SLC23A2: variants seen among roughly 807,000 people sequenced by gnomAD.
SLC23A2 encodes the protein Na(+)/L-ascorbic acid transporter 2.
A neutral mutation model predicts 73.3 loss-of-function variants in SLC23A2; 36 were observed. The ratio of observed to expected loss-of-function variants is 0.49; its 90% CI spans 0.38 to 0.65. The LOEUF (loss-of-function observed/expected upper bound fraction) is 0.65. SLC23A2 is among the 30% of genes least tolerant of loss of function. The pLI, the probability that SLC23A2 is intolerant of heterozygous loss-of-function variation, is 0.00. For synonymous variants in SLC23A2, 343 were observed against 327.3 expected, an observed-to-expected ratio of 1.05 and a Z score of -0.52; for missense variants, 507 against 841.6, an observed-to-expected ratio of 0.60 and a Z score of 4.92.
intron 9 of SLC23A2, among the ~76,000 whole-genome samples, chr20:4,878,500 T>A (rs749569147): frequency 9.2e-5 from 14 of 152,186 alleles, no homozygotes; most frequent in Non-Finnish European, 1.5e-4. Flanking sequence ...TTTAATTCAG[T>A]GGTTTCTGAC....
chr20:4,955,854 A>G (rs2087279685), intron 2 of SLC23A2, among the ~76,000 whole-genome samples: 1 of 152,172 alleles, frequency 6.6e-6, no homozygotes, highest in South Asian at 2.1e-4. Context: ...TTAAAAAAAA[A>G]AATGGCTATG....
At position 4,856,710 on chromosome 20, in the gene SLC23A2, A is replaced by G. The variant is rs1929724868; in HGVS notation, c.*262T>C. On this transcript the variant is annotated 3_prime_UTR_variant, in exon 17 of 17. Coordinates refer to ENST00000338244, the MANE Select transcript of SLC23A2 (RefSeq NM_005116.6). The surrounding 1 kb of genome is among the most constrained non-coding windows in gnomAD (Gnocchi z 4.6). ...TTTAAATGTCCACTCCAAAGGGAGGACTGGAACTTCAAATTTAGTGACCAT... is the reference window on the plus strand; with the variant it reads ...TTTAAATGTCCACTCCAAAGGGAGGGCTGGAACTTCAAATTTAGTGACCAT... 4 of 423,748 alleles carry G rather than the reference A, an allele frequency of 9.4e-6. No individual in the cohort carries two copies. Among genetic ancestry groups the G allele is most frequent in the Non-Finnish European group, 1.7e-5 (4 of 235,762 alleles). The allele number at this position is 423,748 out of a possible 1,614,324, so 26.2% of individuals were successfully genotyped here. A position where few individuals can be genotyped will look rare whatever the true frequency, so the allele number is the denominator to read the frequency against.
At chr20:5,001,743 C>G (rs1288195580), upstream of SLC23A2, among the ~76,000 whole-genome samples, 1 of 151,838 alleles carries the variant, frequency 6.6e-6, no homozygotes, top group Non-Finnish European at 1.5e-5. Context: ...CCCCCCTTCG[C>G]GACCCTTCCC....
chr20:4,856,868 G>C lies in SLC23A2; in HGVS notation c.*104C>G. 1 of 752,416 alleles carries C rather than the reference G, an allele frequency of 1.3e-6. No individual in the cohort carries two copies. Among genetic ancestry groups the C allele is most frequent in the Non-Finnish European group, 2.3e-6 (1 of 443,508 alleles). 46.6% of individuals were successfully genotyped at this position (752,416 alleles called of 1,614,324 possible). On this transcript the variant is annotated 3_prime_UTR_variant, in exon 17 of 17. Transcript: ENST00000338244. This position sits in a 1 kb window ranked among gnomAD's most constrained non-coding sequence, Gnocchi z 4.6. ...CAGTCTGTCTTAGCTCTGGGGCGCAGAATGTAAATGTAGATATACAAACAT... is the reference window on the plus strand; with the variant it reads ...CAGTCTGTCTTAGCTCTGGGGCGCACAATGTAAATGTAGATATACAAACAT...
upstream of SLC23A2, among the ~76,000 whole-genome samples, chr20:5,005,307 A>T (rs1336995084): frequency 2.7e-5 from 4 of 148,788 alleles, no homozygotes; most frequent in Non-Finnish European, 4.4e-5. Context: ...ATCATCAATT[A>T]AAAAAATACA....
intron 2 of SLC23A2, among the ~76,000 whole-genome samples, chr20:4,968,754 T>C (rs1426982564): frequency 2.0e-5 from 3 of 151,970 alleles, no homozygotes; most frequent in African/African-American, 7.2e-5. Flanking sequence ...CGTCTGTCTC[T>C]GTCACCCAGG....
intron 6 of SLC23A2, among the ~76,000 whole-genome samples, chr20:4,898,681 A>G (rs953835060): frequency 1.3e-5 from 2 of 152,254 alleles, no homozygotes; most frequent in Non-Finnish European, 2.9e-5. Context: ...AGGAAGGTAG[A>G]TAAGGATGTT....
Position 4,920,277 on chromosome 20 carries a change from T to C in SLC23A2, c.109-7299A>G, listed in dbSNP as rs78116638. 6.0e-3 allele frequency among the ~76,000 whole-genome samples: 909 copies of C among 152,264 alleles called. 6 individuals carry two copies. The highest frequency in any genetic ancestry group is 0.02 in the African/African-American group (821 of 41,552). Reference sequence around the variant, plus strand: ...CTCCACCAAACTATAATGAGAAACCTCTTTCTACCTACTAATCGGGACAAG... The same window carrying C: ...CTCCACCAAACTATAATGAGAAACCCCTTTCTACCTACTAATCGGGACAAG... On this transcript the variant is annotated intron_variant, in intron 3 of 16. Transcript: ENST00000338244.
rs111565515 is a variant in SLC23A2, at chr20:4,879,408, C to CAAAAAAAAAAAAAAAAAAAAAA, written c.824+4212_824+4233dup. ...GGGCAACCAGAGTAAAACTCTGTCT[C>CAAAAAAAAAAAAAAAAAAAAAA]AAAAAAAAAAAAAAAAAAAAAAAAA... On this transcript the variant is annotated intron_variant, in intron 9 of 16. Coordinates refer to ENST00000338244, the MANE Select transcript of SLC23A2 (RefSeq NM_005116.6). Among the ~76,000 whole-genome samples, 5 of 43,006 alleles carry CAAAAAAAAAAAAAAAAAAAAAA rather than the reference C, an allele frequency of 1.2e-4. 1 individual carries two copies. The highest frequency in any genetic ancestry group is 1.7e-4 in the Non-Finnish European group (4 of 22,938). The allele number at this position is 43,006 out of a possible 152,430, so 28.2% of individuals were successfully genotyped here.
At chr20:4,885,645 GAA>G (rs1931068078) in intron 7 of SLC23A2, among the ~76,000 whole-genome samples, 174 bp downstream of exon 7, 2 of 152,254 alleles carry the variant, frequency 1.3e-5, no homozygotes, top group Admixed American at 1.3e-4. Flanking sequence ...CAAGTGGACA[GAA>G]AGAGAGAGAC....
At chr20:4,955,826 T>C (rs1395434065) in intron 2 of SLC23A2, among the ~76,000 whole-genome samples, 1 of 151,658 alleles carries the variant, frequency 6.6e-6, no homozygotes, top group Non-Finnish European at 1.5e-5. Context: ...ACTGTATATA[T>C]ACATGTGCGA....
In SLC23A2 at chr20:4,862,218, A is replaced by G; in HGVS notation, c.1487-133T>C. On this transcript the variant is annotated intron_variant, in intron 14 of 16. Coordinates refer to ENST00000338244, the MANE Select transcript of SLC23A2 (RefSeq NM_005116.6). The surrounding 1 kb of genome is among the most constrained non-coding windows in gnomAD (Gnocchi z 5.1). ...CAATGAGACCAGTGCAGGGACAGGA[A>G]GGGGGACGTGTGGGGTCAGACTGTA... 3.4e-6 allele frequency: 3 copies of G among 887,374 alleles called. No homozygotes were observed. The highest frequency in any genetic ancestry group is 5.2e-6 in the Non-Finnish European group (3 of 580,476). The allele number at this position is 887,374 out of a possible 1,614,324, so 55.0% of individuals were successfully genotyped here.
At chr20:4,987,660 A>G (rs1378770404) in intron 1 of SLC23A2, among the ~76,000 whole-genome samples, 1 of 151,978 alleles carries the variant, frequency 6.6e-6, no homozygotes, top group Non-Finnish European at 1.5e-5. Flanking sequence ...CATCCTGGCT[A>G]ACACGGTGAA....
At chr20:4,910,526 G>A (rs1264815272) in intron 4 of SLC23A2, among the ~76,000 whole-genome samples, 1 of 152,092 alleles carries the variant, frequency 6.6e-6, no homozygotes, top group Non-Finnish European at 1.5e-5. Flanking sequence ...TGCCTCCTGG[G>A]TTCAGGTGAT....
intron 2 of SLC23A2, among the ~76,000 whole-genome samples, chr20:4,970,379 A>G (rs893702806): frequency 7.2e-5 from 11 of 152,166 alleles, no homozygotes; most frequent in Non-Finnish European, 2.9e-5. Flanking sequence ...AAAACGTACA[A>G]AGGTAAGGTC....
At chr20:4,931,760 C>T (rs1362421517) in intron 3 of SLC23A2, among the ~76,000 whole-genome samples, 1 of 152,014 alleles carries the variant, frequency 6.6e-6, no homozygotes, top group African/African-American at 2.4e-5. Context: ...CAGAGCGAGG[C>T]CTTGTCTCAA....
chr20:4,883,579 C>T lies in SLC23A2; in HGVS notation c.824+63G>A, dbSNP rs1459808619. The stretch of plus-strand genomic sequence containing the variant: ...ATTGAAAAACATTATCTCCTGAAGT[C>T]TGTGTGAATGTTCCTAAAGGCTGCC... On this transcript the variant is annotated intron_variant, in intron 9 of 16. Transcript: ENST00000338244. This position sits in a 1 kb window ranked among gnomAD's most constrained non-coding sequence, Gnocchi z 4.5. 2 of 1,133,708 alleles carry T rather than the reference C, an allele frequency of 1.8e-6. No homozygotes were observed. The highest frequency in any genetic ancestry group is 3.1e-5 in the African/African-American group (2 of 63,500). The allele number at this position is 1,133,708 out of a possible 1,614,324, so 70.2% of individuals were successfully genotyped here. A position where few individuals can be genotyped will look rare whatever the true frequency, so the allele number is the denominator to read the frequency against.
chr20:4,989,653 G>A (rs1225306698), intron 1 of SLC23A2, among the ~76,000 whole-genome samples: 1 of 151,470 alleles, frequency 6.6e-6, no homozygotes, highest in Non-Finnish European at 1.5e-5. Context: ...TTCAGCCTGA[G>A]TGACAGAGCA....
Position 4,978,220 on chromosome 20 carries a change from A to G in SLC23A2, c.-281-7301T>C, listed in dbSNP as rs571493464. ...AAGTTAAAAAAACACTCCCATGGCA[A>G]CTATCGGTGCTAATAAGTCAAGCTC... is the stretch of plus-strand genomic sequence containing the variant. On this transcript the variant is annotated intron_variant, in intron 1 of 16. Coordinates refer to ENST00000338244, the MANE Select transcript of SLC23A2 (RefSeq NM_005116.6). Among the ~76,000 whole-genome samples, 20 of 152,320 alleles carry G rather than the reference A, an allele frequency of 1.3e-4. No individual in the cohort carries two copies. In the South Asian group the frequency reaches 4.1e-3, roughly 32 times the overall value.
Sources: allele counts gnomAD v4.1 joint callset (sites outside exome capture counted in the v4.1 genomes callset), GRCh38; gene constraint gnomAD v4.1.1; non-coding constraint Gnocchi (gnomAD v3.1); transcripts MANE v1.5; gene names NCBI Gene and HGNC (gene_info 2026-07-23, HGNC 2026-07-21).